CCSER1: variants seen among roughly 807,000 people sequenced by gnomAD.
CCSER1 encodes the protein coiled-coil serine rich protein 1.
In CCSER1, 41 loss-of-function variants were observed where a neutral mutation model predicts 82.0. That is an observed-to-expected ratio of 0.50 (90% CI 0.39 to 0.65). The LOEUF is 0.65. Among genes scored for constraint, CCSER1 ranks in the 30% least tolerant of loss-of-function variants. The pLI is 0.00. For synonymous variants in CCSER1, 414 were observed against 383.9 expected (o/e 1.08, Z -0.92); for missense variants, 1,119 against 1,064.2 (o/e 1.05, Z -0.72).
At chr4:90,297,009 G>T (rs1011010783) in intron 1 of CCSER1, among the ~76,000 whole-genome samples, 6 of 152,132 alleles carry the variant, frequency 3.9e-5, no homozygotes, top group Admixed American at 1.3e-4. Flanking sequence ...CTTTAAAGTA[G>T]TTTTTTCCAA....
At chr4:91,467,404 G>T (rs894755774) in intron 10 of CCSER1, among the ~76,000 whole-genome samples, 17 of 152,176 alleles carry the variant, frequency 1.1e-4, no homozygotes, top group African/African-American at 4.1e-4. Context: ...AACTCTAGAA[G>T]AAATCCTAGG....
At chr4:90,506,265 A>G (rs1019895395) in intron 5 of CCSER1, among the ~76,000 whole-genome samples, 2 of 152,182 alleles carry the variant, frequency 1.3e-5, no homozygotes, top group African/African-American at 4.8e-5. Context: ...TCATCTAGTT[A>G]ATTTTCTTAT....
chr4:90,500,613 G>C (rs1301461079), intron 5 of CCSER1, among the ~76,000 whole-genome samples: 1 of 152,080 alleles, frequency 6.6e-6, no homozygotes, highest in Non-Finnish European at 1.5e-5. Context: ...TTACCGGCGA[G>C]AACCACTGCT....
intron 10 of CCSER1, among the ~76,000 whole-genome samples, chr4:91,416,997 C>T (rs561179335): frequency 6.6e-6 from 1 of 151,898 alleles, no homozygotes; most frequent in Non-Finnish European, 1.5e-5. Context: ...GGAGCTTAAA[C>T]AAATTTACAA....
At chr4:90,588,640 G>A (rs1782303862) in intron 5 of CCSER1, among the ~76,000 whole-genome samples, 1 of 152,076 alleles carries the variant, frequency 6.6e-6, no homozygotes, top group Non-Finnish European at 1.5e-5. Flanking sequence ...ATCTTGAATT[G>A]TAGCTCCCCT....
At position 90,656,495 on chromosome 4, in the gene CCSER1, C is replaced by T. The variant is rs181288561; in HGVS notation, c.1932+28263C>T. On this transcript the variant is annotated intron_variant, in intron 6 of 10. Transcript: ENST00000509176. ...TAGTTTCTGTTGGTTAGTATTTGTG[C>T]GATATCTATTTTCCATTCTTTTATT... is the stretch of plus-strand genomic sequence containing the variant. 7.0e-4 allele frequency among the ~76,000 whole-genome samples: 106 copies of T among 151,608 alleles called. 1 individual carries two copies. The East Asian group carries it at 0.017, about 24-fold the overall frequency.
chr4:90,822,628 T>G (rs1759896663), intron 8 of CCSER1, among the ~76,000 whole-genome samples: 1 of 148,804 alleles, frequency 6.7e-6, no homozygotes, highest in Non-Finnish European at 1.5e-5. Flanking sequence ...CTCCCGAGGC[T>G]GAGACAGGAG....
intron 7 of CCSER1, among the ~76,000 whole-genome samples, chr4:90,808,144 G>A (rs1757770049): frequency 6.6e-6 from 1 of 152,022 alleles, no homozygotes; most frequent in Admixed American, 6.6e-5. Flanking sequence ...ACTGAGCAAA[G>A]AACACCCTAT....
At chr4:90,793,388 T>C (rs1032408137) in intron 7 of CCSER1, among the ~76,000 whole-genome samples, 28 of 152,206 alleles carry the variant, frequency 1.8e-4, no homozygotes, top group African/African-American at 6.5e-4. Flanking sequence ...TATGTGTCCA[T>C]GTGTTCTTAT....
intron 8 of CCSER1, among the ~76,000 whole-genome samples, chr4:90,816,328 TA>T (rs1759006413): frequency 1.3e-5 from 2 of 152,136 alleles, no homozygotes; most frequent in South Asian, 2.1e-4. Flanking sequence ...CCAAATTATG[TA>T]AAAATTATAC....
At chr4:91,491,979 T>C (rs1758571675) in intron 10 of CCSER1, among the ~76,000 whole-genome samples, 1 of 143,158 alleles carries the variant, frequency 7.0e-6, no homozygotes. Context: ...AATGCGGCAA[T>C]GTATCTAATG....
chr4:90,575,197 G>A (rs1472927968), intron 5 of CCSER1, among the ~76,000 whole-genome samples: 1 of 152,152 alleles, frequency 6.6e-6, no homozygotes, highest in Non-Finnish European at 1.5e-5. Context: ...TGCAGACTGA[G>A]TAATTTATAA....
At chr4:91,455,344 T>C (rs1341309753) in intron 10 of CCSER1, among the ~76,000 whole-genome samples, 2 of 152,112 alleles carry the variant, frequency 1.3e-5, no homozygotes, top group Non-Finnish European at 2.9e-5. Flanking sequence ...TGGAACTCAG[T>C]ATACAATATG....
At chr4:90,716,388 C>G (rs954475758) in intron 6 of CCSER1, among the ~76,000 whole-genome samples, 2 of 151,822 alleles carry the variant, frequency 1.3e-5, no homozygotes, top group Non-Finnish European at 2.9e-5. Context: ...ATAACCTAAG[C>G]TCCAAAAATG....
At chr4:91,565,251 T>G (rs1762835361) in intron 10 of CCSER1, among the ~76,000 whole-genome samples, 1 of 152,076 alleles carries the variant, frequency 6.6e-6, no homozygotes, top group African/African-American at 2.4e-5. Flanking sequence ...TCTGCTCCAC[T>G]GGTCTATGTG....
intron 10 of CCSER1, among the ~76,000 whole-genome samples, chr4:91,105,958 C>T (rs78619408): frequency 0.021 from 3,146 of 151,990 alleles, 136 homozygotes; most frequent in African/African-American, 0.073. Context: ...GCCTGCTGCT[C>T]CAAACCTTAC....
At chr4:91,552,569 G>T (rs1578770801) in intron 10 of CCSER1, among the ~76,000 whole-genome samples, 1 of 151,454 alleles carries the variant, frequency 6.6e-6, no homozygotes, top group South Asian at 2.1e-4. Context: ...TTGGACAGTG[G>T]CCTTATATAT....
chr4:90,792,846 G>A (rs1377896356), intron 7 of CCSER1, among the ~76,000 whole-genome samples: 2 of 152,300 alleles, frequency 1.3e-5, no homozygotes, highest in East Asian at 1.9e-4. Context: ...GGGGAATAGG[G>A]GCTGTCCCTA....
intron 7 of CCSER1, among the ~76,000 whole-genome samples, chr4:90,812,445 G>A (rs551657451): frequency 1.6e-4 from 24 of 152,180 alleles, no homozygotes; most frequent in Non-Finnish European, 2.5e-4. Flanking sequence ...CATTGAGGTC[G>A]TGGTTGGGTG....
Sources: allele counts gnomAD v4.1 joint callset (sites outside exome capture counted in the v4.1 genomes callset), GRCh38; gene constraint gnomAD v4.1.1; transcripts MANE v1.5; gene names NCBI Gene and HGNC (gene_info 2026-07-23, HGNC 2026-07-21).